CDK10: variants seen among roughly 807,000 people sequenced by gnomAD.
The protein encoded by CDK10 is cyclin dependent kinase 10, also known as cyclin-dependent kinase 10.
In CDK10, 55 loss-of-function variants were observed where a neutral mutation model predicts 51.0. That is an observed-to-expected ratio of 1.08 (90% confidence interval 0.87 to 1.35). The LOEUF (loss-of-function observed/expected upper bound fraction) is 1.35. Ranked by LOEUF, CDK10 falls within the 40% of genes most tolerant of loss-of-function variation. CDK10 has a pLI of 0.00. For missense variants in CDK10, 589 were observed against 485.1 expected (o/e 1.21, Z -2.01); for synonymous variants, 255 against 199.1 (o/e 1.28, Z -2.36).
At position 89,693,341 on chromosome 16, in the gene CDK10, G is replaced by C. The variant is rs1420578440; in HGVS notation, c.538+15G>C. ...TGTGAAGACAGGTGGGTGCAACTTG[G>C]GCCAGGCCCTGTCCCTAGATGGCAC... On this transcript the variant is annotated intron_variant, in intron 7 of 12. Transcript: ENST00000353379. 1 of 1,614,028 alleles carries C rather than the reference G, an allele frequency of 6.2e-7. No individual in the cohort carries two copies. The highest frequency in any genetic ancestry group is 2.2e-5 in the East Asian group (1 of 44,882).
intron 2 of CDK10, 157 bp downstream of exon 2, chr16:89,689,481 T>C: frequency 1.5e-6 from 1 of 646,836 alleles, no homozygotes; most frequent in Non-Finnish European, 2.8e-6. Context: ...ATTCCTGATG[T>C]AGTTATCACA....
chr16:89,692,476 CG>C lies in CDK10; in HGVS notation c.449del (p.Gly150AlafsTer15). ...CAAGTGCATCGTGCTGCAGGTGCTC[CG>C]GGGCCTCCAGTATCTGCACAGGAAC... ...QVKCIVLQVL[R>X]GLQYLHRNFI... On this transcript the variant is annotated frameshift_variant, in exon 6 of 13. Transcript: ENST00000353379. LOFTEE classifies it high-confidence loss of function. 1 of 1,596,540 alleles carries C rather than the reference CG, an allele frequency of 6.3e-7. No individual in the cohort carries two copies.
intron 2 of CDK10, 130 bp downstream of exon 2, chr16:89,689,454 C>T: frequency 1.4e-6 from 1 of 738,334 alleles, no homozygotes; most frequent in Non-Finnish European, 2.4e-6. Flanking sequence ...AGGGCAGAAA[C>T]CTGTTCAGGA....
At position 89,695,970 on chromosome 16, in the gene CDK10, C is replaced by T. The variant is rs560673294; in HGVS notation, c.*278C>T. On this transcript the variant is annotated 3_prime_UTR_variant, in exon 13 of 13. Transcript: ENST00000353379. Reference sequence around the variant, plus strand: ...TGCAGGGGTCTCATGTGGTCCTCCTCGCTATGTTGGAAATGTGCAACCACT... The same window carrying T: ...TGCAGGGGTCTCATGTGGTCCTCCTTGCTATGTTGGAAATGTGCAACCACT... The T allele has an allele frequency of 6.3e-5, 39 of 622,804 alleles. 1 individual carries two copies. Among genetic ancestry groups the T allele is most frequent in the African/African-American group, 9.1e-5 (5 of 54,716 alleles). 38.6% of individuals were successfully genotyped at this position (622,804 alleles called of 1,614,324 possible).
chr16:89,694,708 C>A lies in CDK10; in HGVS notation c.712C>A (p.Leu238Ile). The A allele has an allele frequency of 6.3e-7, 1 of 1,586,072 alleles. No individual in the cohort carries two copies. Among genetic ancestry groups the A allele is most frequent in the African/African-American group, 1.3e-5 (1 of 74,458 alleles). ...ILAELLAHRP[L>I]LPGTSEIHQI... ...GGCCGAGCTGCTGGCGCACAGGCCT[C>A]TTCTCCCCGGCACTTCCGAGATCCA... Residue 238 changes from leucine (L) to isoleucine (I), a missense_variant, in exon 10 of 13, where the codon CTT (leucine) becomes ATT (isoleucine). Transcript: ENST00000353379.
chr16:89,687,923 T>C, intron 1 of CDK10: 1 of 278,120 alleles, frequency 3.6e-6, no homozygotes, highest in South Asian at 3.4e-5. Context: ...GGAATCAGAC[T>C]GAGGACAAAT....
chr16:89,691,404 C>T, intron 3 of CDK10, 39 bp from the exon 4 acceptor site: 3 of 1,500,962 alleles, frequency 2.0e-6, no homozygotes, highest in Non-Finnish European at 2.7e-6. Context: ...TCCCCGCCAT[C>T]ACTGGGGTGG....
chr16:89,695,144 C>G lies in CDK10; in HGVS notation c.932+74C>G, dbSNP rs945741259. ...CAGACCGTTTCCCAGAGCCCAGCCT[C>G]ACTGCGGTGGAGAGGCCCCTCCCCA... is the stretch of plus-strand genomic sequence containing the variant. On this transcript the variant is annotated intron_variant, in intron 11 of 12. Coordinates refer to ENST00000353379, the MANE Select transcript of CDK10 (RefSeq NM_052988.5). 3.8e-6 allele frequency: 6 copies of G among 1,559,900 alleles called. No homozygotes were observed. The Admixed American group carries it at 5.3e-5, about 14-fold the overall frequency.
chr16:89,691,332 G>A (rs1346673476), intron 3 of CDK10, 111 bp from the exon 4 acceptor site: 7 of 704,928 alleles, frequency 9.9e-6, no homozygotes, highest in East Asian at 2.8e-5. Flanking sequence ...CCCTGAGGTG[G>A]GGACACTGCA....
intron 9 of CDK10, 117 bp from the exon 10 acceptor site, chr16:89,694,548 C>T: frequency 1.3e-6 from 2 of 1,510,526 alleles, no homozygotes; most frequent in Non-Finnish European, 1.8e-6. Flanking sequence ...GTCCCTGACC[C>T]AGCGTGCCTC....
intron 5 of CDK10, 58 bp downstream of exon 5, chr16:89,691,945 C>T (rs748265883): frequency 6.0e-5 from 86 of 1,438,720 alleles, no homozygotes; most frequent in Admixed American, 2.2e-4. Flanking sequence ...TTGTGGTGCA[C>T]ATTTATAACG....
intron 2 of CDK10, 51 bp from the exon 3 acceptor site, chr16:89,690,502 G>C: frequency 6.5e-7 from 1 of 1,531,940 alleles, no homozygotes; most frequent in Non-Finnish European, 9.0e-7. Flanking sequence ...GCGCTAGGGA[G>C]CCCACGAGGG....
chr16:89,692,416 C>A, intron 5 of CDK10, 33 bp from the exon 6 acceptor site: 1 of 1,500,122 alleles, frequency 6.7e-7, no homozygotes. Flanking sequence ...CCTGCAGGCT[C>A]ACCCTGACTG....
chr16:89,695,518 G>A, intron 12 of CDK10, 77 bp from the exon 13 acceptor site: 1 of 1,527,052 alleles, frequency 6.5e-7, no homozygotes, highest in Non-Finnish European at 8.9e-7. Flanking sequence ...TCCAGAGGCA[G>A]AGCTGGACTC....
In CDK10 at chr16:89,693,427, G is replaced by A. The variant is rs1230393774; in HGVS notation, c.568G>A (p.Val190Ile). ...TTTCGGCCTGGCCCGGGCCTATGGTGTCCCAGTAAAGCCAATGACCCCCAA... is the reference window on the plus strand; with the variant it reads ...TTTCGGCCTGGCCCGGGCCTATGGTATCCCAGTAAAGCCAATGACCCCCAA... The part of the protein sequence containing the change: ...ADFGLARAYG[V>I]PVKPMTPKVV... Residue 190 changes from valine to isoleucine, a missense_variant, in exon 8 of 13, where the codon GTC becomes ATC. Transcript: ENST00000353379. 3 of 1,614,064 alleles carry A rather than the reference G, an allele frequency of 1.9e-6. No homozygotes were observed. Among genetic ancestry groups the A allele is most frequent in the South Asian group, 1.1e-5 (1 of 91,090 alleles).
intron 1 of CDK10, 118 bp from the exon 2 acceptor site, chr16:89,689,134 C>A: frequency 1.2e-6 from 1 of 869,350 alleles, no homozygotes; most frequent in South Asian, 1.5e-5. Flanking sequence ...CGTGTGGTTG[C>A]CTTTCTGTTT....
chr16:89,689,874 G>C (rs2060364018), intron 2 of CDK10: 1 of 154,490 alleles, frequency 6.5e-6, no homozygotes, highest in Admixed American at 6.4e-5. Context: ...GGTAGAGATG[G>C]GATCTCCCTA....
rs1346792153 is a variant in CDK10, at chr16:89,686,776, C to A, written c.66C>A (p.Phe22Leu). 3.1e-6 allele frequency: 5 copies of A among 1,612,068 alleles called. No individual in the cohort carries two copies. The African/African-American group carries it at 5.3e-5, about 17-fold the overall frequency. Residue 22 changes from phenylalanine (F) to leucine (L), a missense_variant, in exon 1 of 13, where the codon TTC becomes TTA. Transcript: ENST00000353379. ...RLKCIRKEGFFTVPPEHRLGR... is the reference protein window; with the variant it reads ...RLKCIRKEGFLTVPPEHRLGR... ...AGTGTATTCGTAAGGAGGGCTTCTTCACGGTGCCTCCGGAACACAGGGTGC... is the reference window on the plus strand; with the variant it reads ...AGTGTATTCGTAAGGAGGGCTTCTTAACGGTGCCTCCGGAACACAGGGTGC...
chr16:89,687,491 GACGTGC>G (rs1370112806), intron 1 of CDK10: 1 of 456,134 alleles, frequency 2.2e-6, no homozygotes, highest in African/African-American at 2.0e-5. Flanking sequence ...TACTCATCCA[GACGTGC>G]AGCAGGCGCT....
Sources: gnomAD v4.1 joint callset for allele counts on GRCh38, gnomAD v4.1.1 for gene constraint, MANE v1.5 for transcripts, NCBI Gene and HGNC (gene_info 2026-07-23, HGNC 2026-07-21) for gene names.